NBPF12: variants seen among roughly 807,000 people sequenced by gnomAD.
The protein encoded by NBPF12 is NBPF family member NBPF12.
Under a neutral mutation model 146.4 loss-of-function variants are expected in NBPF12, and 115 were observed. The ratio of observed to expected loss-of-function variants is 0.79; its 90% CI spans 0.68 to 0.92. NBPF12 has a LOEUF of 0.92. NBPF12 is among the 40% of genes least tolerant of loss of function. NBPF12 has a pLI of 0.00. For synonymous variants in NBPF12, 385 were observed against 508.9 expected (o/e 0.76, Z 3.28); for missense variants, 1,205 against 1,326.8 (o/e 0.91, Z 1.43).
chr1:146,943,794 C>G (rs1654903713), intron 2 of NBPF12, among the ~76,000 whole-genome samples: 1 of 151,646 alleles, frequency 6.6e-6, no homozygotes, highest in Admixed American at 6.6e-5. Flanking sequence ...CAGGAGAGGA[C>G]ATGTTCTCTT....
intron 1 of NBPF12, among the ~76,000 whole-genome samples, chr1:146,942,296 T>C (rs1267713755): frequency 3.3e-5 from 5 of 150,994 alleles, no homozygotes; most frequent in Middle Eastern, 6.8e-3. Flanking sequence ...GCCATTTTAG[T>C]TTTAATAATT....
chr1:146,949,878 C>T (rs1403424419), intron 1 of NBPF12, among the ~76,000 whole-genome samples: 1 of 151,870 alleles, frequency 6.6e-6, no homozygotes, highest in African/African-American at 2.4e-5. Context: ...CTTATGGAGT[C>T]CTTCTCAAGC....
chr1:146,963,806 CCT>C, intron 6 of NBPF12, among the ~76,000 whole-genome samples: 1 of 145,690 alleles, frequency 6.9e-6, no homozygotes, highest in South Asian at 2.3e-4. Context: ...AGATGAAGCC[CCT>C]CTCCATGTGG....
intron 8 of NBPF12, 67 bp downstream of exon 11, chr1:146,965,171 G>C: frequency 2.2e-6 from 2 of 906,390 alleles, no homozygotes; most frequent in Non-Finnish European, 3.7e-6. Context: ...CTGAGGACAG[G>C]CTGTATATAC....
rs1553885432 is a variant in NBPF12, at chr1:146,965,071, G to A, written c.745G>A (p.Asp249Asn). ...GGTTGTAGACAGAAAATCCTCTCATGATGAATGTCAGGATGCTCTAAACAT... is the reference window on the plus strand; with the variant it reads ...GGTTGTAGACAGAAAATCCTCTCATAATGAATGTCAGGATGCTCTAAACAT... Residue 249 changes from aspartate to asparagine, a missense_variant, in exon 8 of 34, where the codon GAT becomes AAT. By Grantham distance (23) the Asp-to-Asn change is conservative. Coordinates refer to ENST00000617844, the Ensembl canonical transcript of NBPF12. The A allele has an allele frequency of 6.2e-6, 10 of 1,604,168 alleles. 1 individual carries two copies. In the African/African-American group the frequency reaches 1.3e-4, roughly 20 times the overall value.
chr1:146,971,454 A>C, intron 13 of NBPF12, 60 bp downstream of exon 16: 1 of 1,382,754 alleles, frequency 7.2e-7, no homozygotes, highest in Non-Finnish European at 1.0e-6. Flanking sequence ...ATCAATTCTG[A>C]GGACAGGCTG....
chr1:146,995,639 A>T (rs1658495796), exon 34 of NBPF12: 1 of 150,302 alleles, frequency 6.7e-6, no homozygotes, highest in South Asian at 2.1e-4. Context: ...TGTCTTCATG[A>T]TTAAATTCAG....
chr1:146,944,513 G>A (rs1654934203), upstream of NBPF12, among the ~76,000 whole-genome samples: 1 of 148,902 alleles, frequency 6.7e-6, no homozygotes, highest in Admixed American at 6.8e-5. Context: ...GAGCAGCAGG[G>A]AAGGTTGCGG....
exon 11 of NBPF12, chr1:146,969,578 G>C: frequency 6.2e-7 from 1 of 1,609,864 alleles, no homozygotes; most frequent in Non-Finnish European, 8.5e-7. Flanking sequence ...ACAGCACCTT[G>C]TCCAAAAGCT....
intron 8 of NBPF12, 25 bp downstream of exon 11, chr1:146,965,129 C>G: frequency 7.9e-7 from 1 of 1,272,198 alleles, no homozygotes; most frequent in Non-Finnish European, 1.1e-6. Context: ...CCTTGTGTCT[C>G]ATACCTCTGT....
chr1:146,992,590 A>T, intron 31 of NBPF12, 122 bp from the exon 35 acceptor site: 1 of 677,684 alleles, frequency 1.5e-6, no homozygotes, highest in Non-Finnish European at 2.7e-6. Context: ...TTGTTACCTC[A>T]TTAATGGATC....
chr1:146,968,606 C>T, intron 10 of NBPF12, 56 bp downstream of exon 13: 11 of 1,518,578 alleles, frequency 7.2e-6, no homozygotes, highest in African/African-American at 2.8e-5. Flanking sequence ...CTCTGAAGTA[C>T]AACAGCTCGG....
At chr1:146,966,914 C>T (rs1354628425) in intron 9 of NBPF12, among the ~76,000 whole-genome samples, 1 of 150,216 alleles carries the variant, frequency 6.7e-6, no homozygotes, top group Non-Finnish European at 1.5e-5. Context: ...TTATTGATTT[C>T]TGACACCGGC....
At position 146,977,898 on chromosome 1, in the gene NBPF12, C is replaced by A. The variant is rs1468680179; in HGVS notation, c.2398+227C>A. On this transcript the variant is annotated intron_variant, in intron 18 of 33. Coordinates refer to ENST00000617844, the Ensembl canonical transcript of NBPF12. Reference sequence around the variant, plus strand: ...GGCAAGTGTGACAATCTCATAGTCACCTCAGTGCAGGAGGTGCACAGGCAG... The same window carrying A: ...GGCAAGTGTGACAATCTCATAGTCAACTCAGTGCAGGAGGTGCACAGGCAG... Among the ~76,000 whole-genome samples, 47 of 152,170 alleles carry A rather than the reference C, an allele frequency of 3.1e-4. No individual in the cohort carries two copies. The South Asian group carries it at 9.5e-3, about 31-fold the overall frequency.
chr1:146,970,263 T>G (rs1434132481), intron 11 of NBPF12, among the ~76,000 whole-genome samples: 1 of 150,096 alleles, frequency 6.7e-6, no homozygotes, highest in African/African-American at 2.5e-5. Flanking sequence ...TGGGACAAGT[T>G]TGTCCTCTCC....
At chr1:146,960,877 A>G (rs1424873330) in intron 4 of NBPF12, among the ~76,000 whole-genome samples, 57 of 152,198 alleles carry the variant, frequency 3.7e-4, no homozygotes, top group Non-Finnish European at 6.3e-4. Context: ...GCCGTGCAGC[A>G]TGGCTCACTC....
chr1:146,973,148 T>C (rs1450371588), intron 14 of NBPF12, among the ~76,000 whole-genome samples, 188 bp downstream of exon 17: 3 of 150,500 alleles, frequency 2.0e-5, no homozygotes, highest in Non-Finnish European at 2.9e-5. Context: ...CAACTTTCCA[T>C]GTTTGCAATC....
chr1:146,961,380 T>C (rs1357522275), intron 4 of NBPF12, among the ~76,000 whole-genome samples: 3 of 151,700 alleles, frequency 2.0e-5, no homozygotes, highest in African/African-American at 7.3e-5. Context: ...TTTCCTCATC[T>C]GTTCAGAGGG....
chr1:146,955,947 T>C (rs1161897118), intron 2 of NBPF12, among the ~76,000 whole-genome samples: 1 of 151,364 alleles, frequency 6.6e-6, no homozygotes, highest in Non-Finnish European at 1.5e-5. Flanking sequence ...TGGTGGGCTT[T>C]TGTTACATTC....
Sources: allele counts gnomAD v4.1 joint callset (sites outside exome capture counted in the v4.1 genomes callset), GRCh38; gene constraint gnomAD v4.1.1; transcripts MANE v1.5; gene names NCBI Gene and HGNC (gene_info 2026-07-23, HGNC 2026-07-21).